The following ZNF577 variants were observed in gnomAD, a reference collection of about 807,000 sequenced individuals.
ZNF577 encodes the protein zinc finger protein 577.
Under a neutral mutation model 13.9 loss-of-function variants are expected in ZNF577, and 14 were observed. The observed-to-expected ratio is 1.00, with a 90% CI of 0.66 to 1.57. The LOEUF is 1.57. Ranked by LOEUF, ZNF577 falls within the 40% of genes most tolerant of loss-of-function variation. ZNF577 has a pLI of 0.00. For synonymous variants in ZNF577, 203 were observed against 202.9 expected (o/e 1.00, Z 0.00); for missense variants, 555 against 579.2 (o/e 0.96, Z 0.43).
At chr19:51,843,955 G>A (rs1599849963) in intron 6 of ZNF577, among the ~76,000 whole-genome samples, 1 of 152,014 alleles carries the variant, frequency 6.6e-6, no homozygotes, top group East Asian at 1.9e-4. Flanking sequence ...ATTAAGACAG[G>A]AGAAGCTGAA....
At chr19:51,852,124 A>G (rs2084381844) in intron 5 of ZNF577, among the ~76,000 whole-genome samples, 2 of 152,346 alleles carry the variant, frequency 1.3e-5, no homozygotes, top group South Asian at 4.1e-4. Flanking sequence ...GCGCAGACTC[A>G]GTAGAAACTG....
At chr19:51,819,776 T>C (rs988761923) in intron 9 of ZNF577, among the ~76,000 whole-genome samples, 4 of 152,104 alleles carry the variant, frequency 2.6e-5, no homozygotes, top group African/African-American at 7.2e-5. Context: ...CTTAAAGAAA[T>C]AGGGTTGAAG....
intron 9 of ZNF577, among the ~76,000 whole-genome samples, chr19:51,832,720 T>C (rs1424033969): frequency 6.6e-6 from 1 of 152,224 alleles, no homozygotes; most frequent in African/African-American, 2.4e-5. Flanking sequence ...TTGCAAAGAA[T>C]GTGAGGCTTA....
chr19:51,810,141 T>C (rs997092570), intron 10 of ZNF577, among the ~76,000 whole-genome samples: 2 of 152,212 alleles, frequency 1.3e-5, no homozygotes, highest in African/African-American at 4.8e-5. Context: ...ACTTTAGGGT[T>C]TGACCCTTGG....
At chr19:51,859,865 A>G (rs1378167090) in intron 5 of ZNF577, among the ~76,000 whole-genome samples, 1 of 152,174 alleles carries the variant, frequency 6.6e-6, no homozygotes, top group East Asian at 1.9e-4. Flanking sequence ...AATTCCAAGT[A>G]AACAATGAAG....
At chr19:51,814,448 T>G (rs2084119487) in intron 9 of ZNF577, among the ~76,000 whole-genome samples, 1 of 152,086 alleles carries the variant, frequency 6.6e-6, no homozygotes, top group African/African-American at 2.4e-5. Context: ...TAACGGGTAC[T>G]CTCTCATGCA....
In ZNF577 at chr19:51,877,276, A is replaced by G. The variant is rs531230781; in HGVS notation, c.283+6T>C. The G allele has an allele frequency of 1.9e-6, 3 of 1,612,908 alleles. No individual in the cohort carries two copies. The highest frequency in any genetic ancestry group is 2.5e-6 in the Non-Finnish European group (3 of 1,179,288). ...CTCCCCATTTTCTTAGTTTTCACTC[A>G]CTTACCTGGACAGATTTGACTGTGG... On this transcript the variant is annotated splice_donor_region_variant and intron_variant, in intron 5 of 5. Coordinates refer to ENST00000638348, the MANE Select transcript of ZNF577 (RefSeq NM_001370449.1).
At chr19:51,886,662 A>G (rs564066307) in intron 1 of ZNF577, among the ~76,000 whole-genome samples, 159 bp downstream of exon 1, 1 of 152,364 alleles carries the variant, frequency 6.6e-6, no homozygotes, top group Non-Finnish European at 1.5e-5. Flanking sequence ...TTGATAAATC[A>G]CAGTAATTAT....
In ZNF577 at chr19:51,873,651, T is replaced by A. The variant is rs774363467; in HGVS notation, c.339A>T (p.Gly113=). 1.2e-6 allele frequency: 2 copies of A among 1,614,000 alleles called. No homozygotes were observed. Among genetic ancestry groups the A allele is most frequent in the Admixed American group, 1.7e-5 (1 of 59,998 alleles). Residue 113 remains glycine, a synonymous_variant, in exon 6 of 6, where the codon GGA becomes GGT. Transcript: ENST00000638348. ...TGATATGGAGGCATGATCTCCCATA[T>A]CCACCAAATGCATCAGAATCTTTTC... ...YAGKDSDAFG[G]YGRSCLHIKR...
chr19:51,863,265 T>C (rs1459328812), downstream of ZNF577: 1 of 152,176 alleles, frequency 6.6e-6, no homozygotes, highest in Non-Finnish European at 1.5e-5. Flanking sequence ...AAAGAATTGG[T>C]TATAATTAGC....
chr19:51,865,039 C>T (rs1365879539), downstream of ZNF577, among the ~76,000 whole-genome samples: 1 of 152,190 alleles, frequency 6.6e-6, no homozygotes, highest in Non-Finnish European at 1.5e-5. Context: ...AGTGCTGTCA[C>T]TCTGTTTCAG....
intron 9 of ZNF577, chr19:51,825,530 T>A (rs2084226685): frequency 6.0e-6 from 1 of 167,088 alleles, no homozygotes; most frequent in African/African-American, 2.4e-5. Context: ...AGAGATTCTG[T>A]TTCCTGAGGC....
At chr19:51,834,888 T>A (rs2084280638) in intron 9 of ZNF577, among the ~76,000 whole-genome samples, 1 of 152,040 alleles carries the variant, frequency 6.6e-6, no homozygotes, top group South Asian at 2.1e-4. Flanking sequence ...TCTTGCTATG[T>A]TGTCCAGACT....
intron 9 of ZNF577, among the ~76,000 whole-genome samples, chr19:51,819,231 G>A (rs1183838416): frequency 6.6e-6 from 1 of 152,210 alleles, no homozygotes; most frequent in Non-Finnish European, 1.5e-5. Flanking sequence ...TGGGTTTGGA[G>A]TGTCTATGGG....
In ZNF577 at chr19:51,824,922, C is replaced by T; in HGVS notation, c.*600-13248G>A. On this transcript the variant is annotated intron_variant and NMD_transcript_variant, in intron 9 of 10. Transcript: ENST00000638827. This position sits in a 1 kb window ranked among gnomAD's most constrained non-coding sequence, Gnocchi z 4.7. The stretch of plus-strand genomic sequence containing the variant: ...ATACCACCACCACCACAATCATCAA[C>T]ATAAAGGAAGTCTGTACCAAATCTG... 1.2e-6 allele frequency: 1 copy of T among 849,590 alleles called. No homozygotes were observed. Among genetic ancestry groups the T allele is most frequent in the African/African-American group, 1.7e-5 (1 of 58,216 alleles). 52.6% of individuals were successfully genotyped at this position (849,590 alleles called of 1,614,324 possible). A position where few individuals can be genotyped will look rare whatever the true frequency, so the allele number is the denominator to read the frequency against.
chr19:51,837,006 T>C lies in ZNF577; in HGVS notation c.*599+2887A>G, dbSNP rs769081458. ...TTGCAGTGAGCCCAGAGGGCGCCAC[T>C]GCACCCCAGCCTGGGTGACAGAGTG... On this transcript the variant is annotated intron_variant and NMD_transcript_variant, in intron 9 of 10. Coordinates refer to the ZNF577 transcript ENST00000638827. 1.5e-3 allele frequency among the ~76,000 whole-genome samples: 205 copies of C among 139,054 alleles called. 2 individuals carry two copies. Among genetic ancestry groups the C allele is most frequent in the Non-Finnish European group, 1.7e-3 (112 of 66,574 alleles). The allele number at this position is 139,054 out of a possible 152,430, so 91.2% of individuals were successfully genotyped here.
intron 8 of ZNF577, among the ~76,000 whole-genome samples, chr19:51,841,436 T>C (rs1381058924): frequency 2.6e-5 from 4 of 152,192 alleles, no homozygotes; most frequent in Non-Finnish European, 5.9e-5. Flanking sequence ...CCAGCCTTCA[T>C]GGCCAGAAAA....
chr19:51,819,330 G>T, intron 9 of ZNF577, among the ~76,000 whole-genome samples: 1 of 152,116 alleles, frequency 6.6e-6, no homozygotes, highest in East Asian at 1.9e-4. Context: ...TGAGAGGATA[G>T]CATGGTACTT....
In ZNF577 at chr19:51,867,799, C is replaced by T. The variant is rs2084589339; in HGVS notation, c.*4733G>A. On this transcript the variant is annotated 3_prime_UTR_variant, in exon 6 of 6. Transcript: ENST00000638348. ...AACTCCATCTCAAATAAACAAAAAA[C>T]AAAAACAAGCAAACAAACAAAAAGA... Among the ~76,000 whole-genome samples the T allele has an allele frequency of 6.6e-6, 1 of 151,798 alleles. No homozygotes were observed. Among genetic ancestry groups the T allele is most frequent in the African/African-American group, 2.4e-5 (1 of 41,310 alleles).
Sources: allele counts gnomAD v4.1 joint callset (sites outside exome capture counted in the v4.1 genomes callset), GRCh38; gene constraint gnomAD v4.1.1; non-coding constraint Gnocchi (gnomAD v3.1); transcripts MANE v1.5; gene names NCBI Gene and HGNC (gene_info 2026-07-23, HGNC 2026-07-21).